The following FER1L5 variants were observed in gnomAD, a reference collection of about 807,000 sequenced individuals.
The protein encoded by FER1L5 is fer-1-like protein 5.
A neutral mutation model predicts 279.9 loss-of-function variants in FER1L5; 187 were observed. That is an observed-to-expected ratio of 0.67 (90% CI 0.59 to 0.75). The LOEUF (loss-of-function observed/expected upper bound fraction) is 0.75, where lower values mean the gene tolerates loss of function less well. Ranked by LOEUF, FER1L5 falls within the 30% of genes least tolerant of loss-of-function variation. FER1L5 has a pLI of 0.00. For missense variants in FER1L5, 2,091 were observed against 2,594.4 expected, an observed-to-expected ratio of 0.81 and a Z score of 4.21; for synonymous variants, 921 against 989.7, an observed-to-expected ratio of 0.93 and a Z score of 1.30.
At chr2:96,658,455 T>C (rs537308636) in intron 9 of FER1L5, among the ~76,000 whole-genome samples, 1 of 151,850 alleles carries the variant, frequency 6.6e-6, no homozygotes, top group Non-Finnish European at 1.5e-5. Context: ...TAGCTGGGAT[T>C]ACAGGTGCAC....
At chr2:96,687,602 T>G (rs746980224) in intron 23 of FER1L5, 1 of 636,844 alleles carries the variant, frequency 1.6e-6, no homozygotes, top group Non-Finnish European at 2.7e-6. Flanking sequence ...ACTCCCACCC[T>G]CTCTGCTTCA....
In FER1L5 at chr2:96,689,062, A is replaced by T; in HGVS notation, c.2362-151A>T. The T allele has an allele frequency of 1.1e-6, 1 of 896,072 alleles. No homozygotes were observed. The highest frequency in any genetic ancestry group is 1.7e-6 in the Non-Finnish European group (1 of 600,374). 55.5% of individuals were successfully genotyped at this position (896,072 alleles called of 1,614,324 possible). On this transcript the variant is annotated intron_variant, in intron 24 of 52. Coordinates refer to ENST00000624922, the MANE Select transcript of FER1L5 (RefSeq NM_001293083.2). The surrounding 1 kb of genome is among the most constrained non-coding windows in gnomAD (Gnocchi z 4.6). ...TTGACCTCTGGGCCTCAGTGCCCTC[A>T]CCTGTGCAATGGGGACATGGCCCTT...
rs967380798 is a variant in FER1L5, at chr2:96,702,384, C to T, written c.5238C>T (p.Ser1746=). Residue 1746 remains serine (S), a synonymous_variant, in exon 47 of 53, where the codon AGC becomes AGT. Coordinates refer to ENST00000624922, the MANE Select transcript of FER1L5 (RefSeq NM_001293083.2). The surrounding 1 kb of genome is among the most constrained non-coding windows in gnomAD (Gnocchi z 4.0). ...VDDNLSREKT[S]DIYIKGWLYG... ...ACAATTTAAGTAGAGAGAAGACGAG[C>T]GACATCTACATCAAAGGGTAGGGAA... 11 of 1,612,100 alleles carry T rather than the reference C, an allele frequency of 6.8e-6. No individual in the cohort carries two copies. The highest frequency in any genetic ancestry group is 1.6e-4 in the Middle Eastern group (1 of 6,080).
chr2:96,703,453 G>C (rs1376993193), intron 50 of FER1L5, 70 bp from the exon 51 acceptor site: 1 of 1,608,610 alleles, frequency 6.2e-7, no homozygotes, highest in African/African-American at 1.3e-5. Context: ...TTGATCCCGG[G>C]AAGAGGTCCT....
Position 96,694,509 on chromosome 2 carries a change from G to A in FER1L5, c.3741+45G>A, listed in dbSNP as rs2077287468. On this transcript the variant is annotated intron_variant, in intron 34 of 52. Transcript: ENST00000624922. The surrounding 1 kb of genome is among the most constrained non-coding windows in gnomAD (Gnocchi z 4.6). ...GGGACGGTGGGCAGGACAGGCGGGGGTGGTCTGGAGTGCGCTGCAGCCTTC... is the reference window on the plus strand; with the variant it reads ...GGGACGGTGGGCAGGACAGGCGGGGATGGTCTGGAGTGCGCTGCAGCCTTC... The A allele has an allele frequency of 7.0e-7, 1 of 1,438,804 alleles. No individual in the cohort carries two copies. Among genetic ancestry groups the A allele is most frequent in the African/African-American group, 1.4e-5 (1 of 70,574 alleles). 89.1% of individuals were successfully genotyped at this position (1,438,804 alleles called of 1,614,324 possible).
Position 96,689,246 on chromosome 2 carries a change from G to A in FER1L5, c.2395G>A (p.Gly799Arg), listed in dbSNP as rs1245987995. 6.4e-7 allele frequency: 1 copy of A among 1,550,504 alleles called. No homozygotes were observed. The highest frequency in any genetic ancestry group is 1.4e-5 in the African/African-American group (1 of 72,992). ...TCAGGCCAAGTATAAAGACCAGTGG[G>A]GGCAGCAGGGGCTGTATCACTGCCC... ...ENQAKYKDQW[G>R]QQGLYHCPNF... The change falls in exon 25 of 53, where the codon GGG becomes AGG. Residue 799 changes from glycine (G) to arginine (R), a missense_variant. Coordinates refer to ENST00000624922, the MANE Select transcript of FER1L5 (RefSeq NM_001293083.2). This position sits in a 1 kb window ranked among gnomAD's most constrained non-coding sequence, Gnocchi z 4.6.
intron 1 of FER1L5, among the ~76,000 whole-genome samples, chr2:96,644,831 T>C (rs1271003763): frequency 6.6e-6 from 1 of 152,074 alleles, no homozygotes; most frequent in Non-Finnish European, 1.5e-5. Flanking sequence ...GAGTTCAGGA[T>C]GTATTTGCCC....
chr2:96,658,721 G>T (rs890162608), intron 9 of FER1L5, among the ~76,000 whole-genome samples: 1 of 152,004 alleles, frequency 6.6e-6, no homozygotes, highest in Non-Finnish European at 1.5e-5. Flanking sequence ...TTCTAATGGT[G>T]TGTAGTAATA....
In FER1L5 at chr2:96,692,641, C is replaced by T. The variant is rs533485367; in HGVS notation, c.3292+460C>T. On this transcript the variant is annotated intron_variant, in intron 31 of 52. Coordinates refer to ENST00000624922, the MANE Select transcript of FER1L5 (RefSeq NM_001293083.2). Reference sequence around the variant, plus strand: ...GTATGCTTGGGAACCATGTATCACTCGTGTTTGGACAGAGGCGGAGGGGCC... The same window carrying T: ...GTATGCTTGGGAACCATGTATCACTTGTGTTTGGACAGAGGCGGAGGGGCC... Among the ~76,000 whole-genome samples the T allele has an allele frequency of 5.3e-5, 8 of 152,268 alleles. No homozygotes were observed. The East Asian group carries it at 1.4e-3, about 26-fold the overall frequency.
At chr2:96,649,516 C>T in intron 4 of FER1L5, 107 bp from the exon 5 acceptor site, 1 of 1,042,336 alleles carries the variant, frequency 9.6e-7, no homozygotes, top group Non-Finnish European at 1.4e-6. Context: ...CATCACGGCC[C>T]CCACCAGGAG....
rs1180669566 is a variant in FER1L5, at chr2:96,692,089, C to A, written c.3215-15C>A. ...GTCCTGGGGCAGGTGACAGGCATGGCTTCTCTTTCCCCAGAGCCCCACTAC... is the reference window on the plus strand; with the variant it reads ...GTCCTGGGGCAGGTGACAGGCATGGATTCTCTTTCCCCAGAGCCCCACTAC... On this transcript the variant is annotated splice_polypyrimidine_tract_variant and intron_variant, in intron 30 of 52. Coordinates refer to ENST00000624922, the MANE Select transcript of FER1L5 (RefSeq NM_001293083.2). The A allele has an allele frequency of 6.4e-7, 1 of 1,551,330 alleles. No individual in the cohort carries two copies. Among genetic ancestry groups the A allele is most frequent in the Non-Finnish European group, 8.7e-7 (1 of 1,146,888 alleles).
At chr2:96,660,231 G>A in intron 9 of FER1L5, 110 bp from the exon 10 acceptor site, 1 of 1,080,708 alleles carries the variant, frequency 9.3e-7, no homozygotes, top group Non-Finnish European at 1.4e-6. Context: ...AGGAGTTAGG[G>A]CAGAGAACAT....
At chr2:96,700,302 A>G (rs1222231373) in intron 44 of FER1L5, 30 bp from the exon 45 acceptor site, 1 of 1,609,832 alleles carries the variant, frequency 6.2e-7, no homozygotes, top group African/African-American at 1.3e-5. Flanking sequence ...TGACCTCGCA[A>G]TCCCCTCCTT....
chr2:96,668,653 G>C (rs960340417), intron 14 of FER1L5, 98 bp from the exon 15 acceptor site: 1 of 1,404,452 alleles, frequency 7.1e-7, no homozygotes, highest in Admixed American at 2.0e-5. Flanking sequence ...GCCAGGACTT[G>C]CTCCCAGACC....
At position 96,703,038 on chromosome 2, in the gene FER1L5, G is replaced by A; in HGVS notation, c.5458G>A (p.Val1820Ile). The change falls in exon 49 of 53, where the codon GTC becomes ATC. Residue 1820 changes from valine to isoleucine, a missense_variant. Coordinates refer to ENST00000624922, the MANE Select transcript of FER1L5 (RefSeq NM_001293083.2). ...MKFPARLIIQVWDNDIFSPDD... is the reference protein window; with the variant it reads ...MKFPARLIIQIWDNDIFSPDD... ...GTTCCCAGCCCGACTTATCATCCAG[G>A]TCTGGGACAATGACATCTTCTCCCC... 1 of 1,613,610 alleles carries A rather than the reference G, an allele frequency of 6.2e-7. No individual in the cohort carries two copies. The highest frequency in any genetic ancestry group is 2.2e-5 in the East Asian group (1 of 44,868).
chr2:96,698,272 A>G lies in FER1L5; in HGVS notation c.4356+116A>G. 7.1e-7 allele frequency: 1 copy of G among 1,415,930 alleles called. No individual in the cohort carries two copies. Among genetic ancestry groups the G allele is most frequent in the Non-Finnish European group, 9.4e-7 (1 of 1,065,646 alleles). The allele number at this position is 1,415,930 out of a possible 1,614,324, so 87.7% of individuals were successfully genotyped here. On this transcript the variant is annotated intron_variant, in intron 40 of 52. Transcript: ENST00000624922. This position sits in a 1 kb window ranked among gnomAD's most constrained non-coding sequence, Gnocchi z 5.5. ...TTGTGAAGATGGAGCAGGGCTTGAG[A>G]ACGTTCTGGGAGTGGAGGAGCAGAG...
intron 9 of FER1L5, among the ~76,000 whole-genome samples, chr2:96,658,085 C>A (rs1445967270): frequency 6.6e-6 from 1 of 151,094 alleles, no homozygotes; most frequent in Non-Finnish European, 1.5e-5. Flanking sequence ...GGCGTGATCT[C>A]GGCTCACTGC....
chr2:96,693,131 T>C (rs1475607775), intron 31 of FER1L5, among the ~76,000 whole-genome samples: 1 of 148,264 alleles, frequency 6.7e-6, no homozygotes, highest in Non-Finnish European at 1.5e-5. Flanking sequence ...AGCCGAGATG[T>C]GCCACTGCAC....
At position 96,689,994 on chromosome 2, in the gene FER1L5, T is replaced by C. The variant is rs552657016; in HGVS notation, c.2640+236T>C. ...ACAACAAAAGGGAGGCAATGTTTCT[T>C]CCTAGGCCTCCTTCAAAGGTGCTGC... On this transcript the variant is annotated intron_variant, in intron 26 of 52. Transcript: ENST00000624922. This position sits in a 1 kb window ranked among gnomAD's most constrained non-coding sequence, Gnocchi z 4.6. Among the ~76,000 whole-genome samples, 11 of 152,296 alleles carry C rather than the reference T, an allele frequency of 7.2e-5. No individual in the cohort carries two copies. The highest frequency in any genetic ancestry group is 1.0e-4 in the Non-Finnish European group (7 of 68,022).
Sources: allele counts gnomAD v4.1 joint callset (sites outside exome capture counted in the v4.1 genomes callset), GRCh38; gene constraint gnomAD v4.1.1; non-coding constraint Gnocchi (gnomAD v3.1); transcripts MANE v1.5; gene names NCBI Gene and HGNC (gene_info 2026-07-23, HGNC 2026-07-21).